Variants in DLG2 observed in about 807,000 individuals in gnomAD.
DLG2 encodes the protein discs large MAGUK scaffold protein 2.
In DLG2, 45 loss-of-function variants were observed where a neutral mutation model predicts 132.5. The observed-to-expected ratio is 0.34, with a 90% confidence interval of 0.27 to 0.44. The LOEUF is 0.44. Among genes scored for constraint, DLG2 ranks in the 20% least tolerant of loss-of-function variants. DLG2 has a pLI of 1.00. For missense variants in DLG2, 1,045 were observed against 1,196.9 expected, an observed-to-expected ratio of 0.87 and a Z score of 1.87; for synonymous variants, 424 against 419.6, an observed-to-expected ratio of 1.01 and a Z score of -0.13.
At chr11:84,445,187 A>C (rs533067320) in intron 7 of DLG2, among the ~76,000 whole-genome samples, 1 of 152,222 alleles carries the variant, frequency 6.6e-6, no homozygotes, top group East Asian at 1.9e-4. Flanking sequence ...TATTATCACC[A>C]TTATCATTTT....
intron 3 of DLG2, among the ~76,000 whole-genome samples, chr11:85,377,629 AT>A (rs1182327097): frequency 6.6e-6 from 1 of 152,002 alleles, no homozygotes; most frequent in African/African-American, 2.4e-5. Flanking sequence ...CTGAGAGCTA[AT>A]TCATTCAAGT....
Position 84,990,723 on chromosome 11 carries a change from C to A in DLG2, c.357+120938G>T, listed in dbSNP as rs544498776. Among the ~76,000 whole-genome samples the A allele has an allele frequency of 5.4e-5, 7 of 129,196 alleles. 1 individual carries two copies. The East Asian group carries it at 1.8e-3, about 34-fold the overall frequency. 84.8% of individuals were successfully genotyped at this position (129,196 alleles called of 152,430 possible). The stretch of plus-strand genomic sequence containing the variant: ...ACAGCACTAAATGCTGGAAAGAATG[C>A]AGAGAAACTAGATCACTTAACATTG... On this transcript the variant is annotated intron_variant, in intron 6 of 27. Coordinates refer to ENST00000376104, the MANE Select transcript of DLG2 (RefSeq NM_001142699.3).
chr11:85,361,566 T>C (rs2084159551), intron 3 of DLG2, among the ~76,000 whole-genome samples: 1 of 152,236 alleles, frequency 6.6e-6, no homozygotes, highest in African/African-American at 2.4e-5. Flanking sequence ...TATTTGACTA[T>C]CTGTTTCTGA....
At chr11:84,926,512 T>C (rs1254822203) in intron 6 of DLG2, among the ~76,000 whole-genome samples, 1 of 152,006 alleles carries the variant, frequency 6.6e-6, no homozygotes, top group Non-Finnish European at 1.5e-5. Flanking sequence ...TATGTAAAAA[T>C]AAGTTTGCAA....
At chr11:84,182,442 G>A (rs1474388844) in intron 8 of DLG2, among the ~76,000 whole-genome samples, 1 of 151,396 alleles carries the variant, frequency 6.6e-6, no homozygotes, top group Non-Finnish European at 1.5e-5. Context: ...GACGCAGGAG[G>A]ATCACGTGCC....
At chr11:84,929,899 AT>A (rs1217892943) in intron 6 of DLG2, among the ~76,000 whole-genome samples, 1 of 152,064 alleles carries the variant, frequency 6.6e-6, no homozygotes, top group Non-Finnish European at 1.5e-5. Flanking sequence ...ACTTGCAAAG[AT>A]TTTTTTAAAT....
chr11:83,920,334 G>A (rs1270347874), intron 15 of DLG2, among the ~76,000 whole-genome samples: 1 of 97,708 alleles, frequency 1.0e-5, no homozygotes, highest in Non-Finnish European at 2.0e-5. Context: ...AGGGTTGATA[G>A]GGAAGGTTTA....
At chr11:84,700,639 C>A (rs1409381879) in intron 6 of DLG2, among the ~76,000 whole-genome samples, 3 of 151,598 alleles carry the variant, frequency 2.0e-5, no homozygotes. Context: ...CTAAATAGCC[C>A]TACATTCCAG....
At chr11:85,603,380 C>A (rs1213468763) in intron 2 of DLG2, among the ~76,000 whole-genome samples, 1 of 151,964 alleles carries the variant, frequency 6.6e-6, no homozygotes, top group East Asian at 1.9e-4. Context: ...TTATACTATA[C>A]CTCTCTCTCT....
intron 19 of DLG2, among the ~76,000 whole-genome samples, chr11:83,629,770 C>A (rs1406569409): frequency 6.6e-6 from 1 of 152,118 alleles, no homozygotes; most frequent in African/African-American, 2.4e-5. Flanking sequence ...TGAACGAGAG[C>A]CTCAAAATAC....
At chr11:84,564,306 C>T (rs2099441116) in intron 6 of DLG2, among the ~76,000 whole-genome samples, 1 of 152,174 alleles carries the variant, frequency 6.6e-6, no homozygotes, top group Admixed American at 6.5e-5. Flanking sequence ...AAGAAGCTGT[C>T]TAAAGTCCCT....
At chr11:85,403,102 T>C (rs567332177) in intron 3 of DLG2, among the ~76,000 whole-genome samples, 1 of 152,002 alleles carries the variant, frequency 6.6e-6, no homozygotes, top group Admixed American at 6.6e-5. Flanking sequence ...CAAATGTCCA[T>C]CAACAATAGA....
chr11:84,545,510 G>A (rs561880135), intron 6 of DLG2: 3 of 397,220 alleles, frequency 7.6e-6, no homozygotes, highest in East Asian at 6.3e-5. Flanking sequence ...GGCTTCTTTG[G>A]CTCAATGAAG....
chr11:85,604,085 G>GA (rs2080352556), intron 2 of DLG2, among the ~76,000 whole-genome samples: 2 of 152,140 alleles, frequency 1.3e-5, no homozygotes, highest in Non-Finnish European at 2.9e-5. Context: ...ACTATAAAGG[G>GA]AAAATACTGT....
chr11:83,898,902 T>G (rs1374160250), intron 15 of DLG2, among the ~76,000 whole-genome samples: 6 of 152,196 alleles, frequency 3.9e-5, no homozygotes, highest in African/African-American at 1.4e-4. Context: ...TATAGCATAA[T>G]ATGGATAATA....
At chr11:85,616,891 A>G (rs1400604111) in intron 2 of DLG2, among the ~76,000 whole-genome samples, 1 of 152,210 alleles carries the variant, frequency 6.6e-6, no homozygotes, top group Non-Finnish European at 1.5e-5. Context: ...GGACATATCA[A>G]ATATCTGTCA....
intron 6 of DLG2, among the ~76,000 whole-genome samples, chr11:84,762,841 G>A (rs573051081): frequency 6.6e-6 from 1 of 152,218 alleles, no homozygotes; most frequent in African/African-American, 2.4e-5. Flanking sequence ...TTTCAATAAA[G>A]CATACTAAGG....
At chr11:84,139,631 A>C (rs1386647258) in intron 9 of DLG2, among the ~76,000 whole-genome samples, 1 of 152,138 alleles carries the variant, frequency 6.6e-6, no homozygotes, top group African/African-American at 2.4e-5. Context: ...TATTATTATC[A>C]TCCCTGCTGT....
intron 12 of DLG2, among the ~76,000 whole-genome samples, 159 bp from the exon 13 acceptor site, chr11:83,965,627 C>T (rs2089996352): frequency 6.6e-6 from 1 of 151,902 alleles, no homozygotes; most frequent in Admixed American, 6.6e-5. Flanking sequence ...CAGATAAGTA[C>T]AATCAATGAT....
Sources: allele counts gnomAD v4.1 joint callset (sites outside exome capture counted in the v4.1 genomes callset), GRCh38; gene constraint gnomAD v4.1.1; transcripts MANE v1.5; gene names NCBI Gene and HGNC (gene_info 2026-07-23, HGNC 2026-07-21).